ANKFN1: variants seen among roughly 807,000 people sequenced by gnomAD.
ANKFN1 encodes the protein ankyrin repeat and fibronectin type-III domain-containing protein 1.
A neutral mutation model predicts 108.7 loss-of-function variants in ANKFN1; 74 were observed. That is an observed-to-expected ratio of 0.68 (90% confidence interval 0.56 to 0.83). ANKFN1 has a LOEUF of 0.83. ANKFN1 is among the 40% of genes least tolerant of loss of function. The pLI, the probability that ANKFN1 is intolerant of heterozygous loss-of-function variation, is 0.00. For missense variants in ANKFN1, 1,505 were observed against 1,382.3 expected, an observed-to-expected ratio of 1.09 and a Z score of -1.41; for synonymous variants, 547 against 516.2, an observed-to-expected ratio of 1.06 and a Z score of -0.81.
At chr17:56,379,331 G>A (rs975456810) in intron 8 of ANKFN1, among the ~76,000 whole-genome samples, 8 of 151,770 alleles carry the variant, frequency 5.3e-5, no homozygotes, top group East Asian at 1.9e-4. Flanking sequence ...CCTGGGAGGC[G>A]GAGCTTGCAG....
intron 4 of ANKFN1, among the ~76,000 whole-genome samples, chr17:56,342,186 A>G (rs1342899570): frequency 1.4e-5 from 2 of 146,840 alleles, no homozygotes; most frequent in Non-Finnish European, 1.5e-5. Context: ...TTATTTGAAT[A>G]TTCTCTCTTT....
intron 1 of ANKFN1, among the ~76,000 whole-genome samples, chr17:56,161,129 C>T (rs907159944): frequency 1.3e-5 from 2 of 152,180 alleles, no homozygotes; most frequent in African/African-American, 4.8e-5. Flanking sequence ...GTTTCCTCCT[C>T]TGTAAAATAA....
intron 4 of ANKFN1, among the ~76,000 whole-genome samples, chr17:56,095,778 A>T (rs1218530906): frequency 6.6e-6 from 1 of 152,220 alleles, no homozygotes; most frequent in Non-Finnish European, 1.5e-5. Context: ...TCTGTGACTC[A>T]CAGGAGTGTC....
chr17:56,214,306 A>T (rs1915263759), intron 2 of ANKFN1, among the ~76,000 whole-genome samples: 1 of 152,220 alleles, frequency 6.6e-6, no homozygotes, highest in Non-Finnish European at 1.5e-5. Context: ...CACAGTGATG[A>T]TCTCTGTCTG....
At position 56,060,689 on chromosome 17, in the gene ANKFN1, C is replaced by T. The variant is rs551498733; in HGVS notation, c.288+14364C>T. Among the ~76,000 whole-genome samples the T allele has an allele frequency of 6.6e-5, 10 of 152,238 alleles. No homozygotes were observed. The East Asian group carries it at 1.2e-3, about 18-fold the overall frequency. ...CCTTTTCTACATCTGTTGAGATAAT[C>T]ATGTGGGTTTTGTCTTTGGTTCTGT... On this transcript the variant is annotated intron_variant, in intron 4 of 12. Coordinates refer to the ANKFN1 transcript ENST00000635860.
chr17:56,194,128 G>T (rs1479074467), intron 1 of ANKFN1, among the ~76,000 whole-genome samples: 1 of 152,196 alleles, frequency 6.6e-6, no homozygotes, highest in South Asian at 2.1e-4. Flanking sequence ...AACATCAAAT[G>T]CTTGTGGGGA....
intron 2 of ANKFN1, among the ~76,000 whole-genome samples, chr17:56,221,629 G>A (rs1483777226): frequency 1.3e-5 from 2 of 152,330 alleles, no homozygotes; most frequent in East Asian, 3.9e-4. Flanking sequence ...ATAATTTGAA[G>A]TGGTTGGAAA....
intron 14 of ANKFN1, chr17:56,463,848 T>A (rs982688511): frequency 1.3e-5 from 2 of 152,248 alleles, no homozygotes; most frequent in Non-Finnish European, 2.9e-5. Context: ...ACTCTGGACT[T>A]CCTTCACCTT....
At chr17:56,146,860 A>T (rs773367632) in intron 4 of ANKFN1, among the ~76,000 whole-genome samples, 1 of 152,222 alleles carries the variant, frequency 6.6e-6, no homozygotes, top group Non-Finnish European at 1.5e-5. Context: ...AAATTTCTAC[A>T]ACCAGCTTGA....
At chr17:56,264,992 T>A (rs1168914163) in intron 3 of ANKFN1, among the ~76,000 whole-genome samples, 2 of 152,084 alleles carry the variant, frequency 1.3e-5, no homozygotes, top group African/African-American at 4.8e-5. Context: ...GATAACCCCA[T>A]CTAAATTATA....
chr17:56,462,900 C>T (rs575849082), intron 14 of ANKFN1, among the ~76,000 whole-genome samples: 1 of 152,170 alleles, frequency 6.6e-6, no homozygotes, highest in Non-Finnish European at 1.5e-5. Flanking sequence ...CCAGCTGTGG[C>T]TCAGACATTT....
intron 13 of ANKFN1, 138 bp from the exon 14 acceptor site, chr17:56,457,725 T>G (rs2049757719): frequency 1.4e-6 from 1 of 690,382 alleles, no homozygotes; most frequent in Admixed American, 2.3e-5. Flanking sequence ...ATCAAAAAGT[T>G]GTTTCGTGTG....
chr17:56,179,489 G>C (rs981893743), intron 1 of ANKFN1, among the ~76,000 whole-genome samples: 2 of 152,108 alleles, frequency 1.3e-5, no homozygotes, highest in African/African-American at 4.8e-5. Context: ...GTGCTAGAGG[G>C]GGGATAAAAA....
intron 3 of ANKFN1, among the ~76,000 whole-genome samples, chr17:56,254,830 G>A (rs944386834): frequency 1.4e-4 from 21 of 152,210 alleles, no homozygotes; most frequent in Non-Finnish European, 7.3e-5. Context: ...TGATGAAGGA[G>A]TGAAGGACCT....
In ANKFN1 at chr17:56,387,585, GTA is replaced by G. The variant is rs141685838; in HGVS notation, c.910+12875_910+12876del. 3.8e-3 allele frequency among the ~76,000 whole-genome samples: 577 copies of G among 152,320 alleles called. 3 individuals are homozygous for G. The highest frequency in any genetic ancestry group is 0.013 in the African/African-American group (547 of 41,576). On this transcript the variant is annotated intron_variant, in intron 8 of 20. Transcript: ENST00000682825. The stretch of plus-strand genomic sequence containing the variant: ...CTTGTGGCTAACTACTGAATCAGTT[GTA>G]TATGTGCCATATGTGATATTTGAAA...
intron 1 of ANKFN1, among the ~76,000 whole-genome samples, chr17:56,188,577 GTGT>G (rs1912512162): frequency 1.2e-5 from 1 of 80,800 alleles, no homozygotes; most frequent in African/African-American, 6.4e-5. Flanking sequence ...GTGTGTGTGT[GTGT>G]GTATATATAT....
intron 11 of ANKFN1, among the ~76,000 whole-genome samples, chr17:56,452,459 C>T (rs780145067): frequency 4.6e-5 from 7 of 152,194 alleles, no homozygotes; most frequent in Non-Finnish European, 7.3e-5. Flanking sequence ...ATCTCTCCCT[C>T]ATGCTATGCG....
chr17:56,226,414 C>T (rs1164695331), intron 2 of ANKFN1, among the ~76,000 whole-genome samples: 1 of 152,140 alleles, frequency 6.6e-6, no homozygotes, highest in Non-Finnish European at 1.5e-5. Context: ...ATGAGCCCCA[C>T]TCCTAACCAC....
intron 8 of ANKFN1, among the ~76,000 whole-genome samples, chr17:56,383,476 A>G (rs994951013): frequency 6.6e-6 from 1 of 152,110 alleles, no homozygotes; most frequent in Non-Finnish European, 1.5e-5. Context: ...AAATAACTAA[A>G]ATCAGAGCAG....
Sources: gnomAD v4.1 joint callset for allele counts (sites outside exome capture counted in the v4.1 genomes callset) on GRCh38, gnomAD v4.1.1 for gene constraint, MANE v1.5 for transcripts, NCBI Gene and HGNC (gene_info 2026-07-23, HGNC 2026-07-21) for gene names.